COL4A1: variants seen among roughly 807,000 people sequenced by gnomAD.
COL4A1 encodes collagen type IV alpha 1 chain.
A neutral mutation model predicts 216.6 loss-of-function variants in COL4A1; 40 were observed. That is an observed-to-expected ratio of 0.18 (90% confidence interval 0.14 to 0.24). COL4A1 has a LOEUF of 0.24. Ranked by LOEUF, COL4A1 falls within the 10% of genes least tolerant of loss-of-function variation. The pLI is 1.00. For missense variants in COL4A1, 1,628 were observed against 2,196.8 expected, an observed-to-expected ratio of 0.74 and a Z score of 5.18; for synonymous variants, 839 against 810.7, an observed-to-expected ratio of 1.03 and a Z score of -0.59.
At chr13:110,253,348 ATAATTATATGTAT>A (rs1277138967) in intron 1 of COL4A1, among the ~76,000 whole-genome samples, 1 of 64,622 alleles carries the variant, frequency 1.5e-5, no homozygotes, top group Non-Finnish European at 2.7e-5. Flanking sequence ...ACATATACAT[ATAATTATATGTAT>A]TACATATACA....
intron 10 of COL4A1, chr13:110,209,735 T>C: frequency 2.7e-6 from 2 of 751,268 alleles, no homozygotes; most frequent in Non-Finnish European, 2.4e-6. Context: ...CCTTCAACCA[T>C]GACTGCATTA....
intron 24 of COL4A1, chr13:110,190,658 T>A (rs1350411438): frequency 6.6e-6 from 1 of 152,204 alleles, no homozygotes; most frequent in African/African-American, 2.4e-5. Context: ...AAATTCAAAA[T>A]AAGAGAACCA....
chr13:110,227,479 C>CAGAG (rs955415972), intron 2 of COL4A1, among the ~76,000 whole-genome samples: 7 of 150,800 alleles, frequency 4.6e-5, no homozygotes, highest in Admixed American at 2.6e-4. Context: ...GAGACAGAGA[C>CAGAG]AGAGAGACAT....
intron 1 of COL4A1, among the ~76,000 whole-genome samples, chr13:110,306,634 A>G (rs879701281): frequency 6.6e-6 from 1 of 152,076 alleles, no homozygotes; most frequent in Non-Finnish European, 1.5e-5. Flanking sequence ...CATACCCGCG[A>G]CGCGGGTTCA....
intron 1 of COL4A1, among the ~76,000 whole-genome samples, chr13:110,284,866 G>A (rs747473176): frequency 2.3e-4 from 35 of 152,232 alleles, no homozygotes; most frequent in Non-Finnish European, 4.0e-4. Flanking sequence ...CAAGAGAAAT[G>A]AACAGTGACA....
intron 1 of COL4A1, among the ~76,000 whole-genome samples, chr13:110,290,947 C>A (rs932197825): frequency 6.6e-6 from 1 of 152,208 alleles, no homozygotes; most frequent in Non-Finnish European, 1.5e-5. Flanking sequence ...TGGCAGAAGC[C>A]AAGGGCGATT....
intron 20 of COL4A1, among the ~76,000 whole-genome samples, 183 bp downstream of exon 20, chr13:110,200,671 C>T (rs936759363): frequency 6.6e-6 from 1 of 152,156 alleles, no homozygotes; most frequent in African/African-American, 2.4e-5. Flanking sequence ...TGGTCACTTA[C>T]AAAAGACAAG....
chr13:110,284,483 TC>T (rs1451283018), intron 1 of COL4A1, among the ~76,000 whole-genome samples: 4 of 152,192 alleles, frequency 2.6e-5, no homozygotes, highest in African/African-American at 9.6e-5. Flanking sequence ...ATATTAGCCT[TC>T]AGTCCCTTAA....
chr13:110,246,579 A>G (rs1311010411), intron 1 of COL4A1, among the ~76,000 whole-genome samples: 1 of 152,224 alleles, frequency 6.6e-6, no homozygotes, highest in African/African-American at 2.4e-5. Context: ...CTGAGGAAAT[A>G]CACCTTGCAT....
intron 47 of COL4A1, among the ~76,000 whole-genome samples, chr13:110,162,750 T>C (rs1270548078): frequency 6.6e-6 from 1 of 152,202 alleles, no homozygotes; most frequent in Non-Finnish European, 1.5e-5. Context: ...TGAAAATGGA[T>C]ATATGAATAA....
Position 110,245,826 on chromosome 13 carries a change from G to A in COL4A1, c.85-3092C>T, listed in dbSNP as rs1022926641. On this transcript the variant is annotated intron_variant, in intron 1 of 51. Coordinates refer to ENST00000375820, the MANE Select transcript of COL4A1 (RefSeq NM_001845.6). ...CCCCCAGCCGGTGCCGGTGACAGGCGGGTGGGTAGTTTTACCCTGGGGACC... is the reference window on the plus strand; with the variant it reads ...CCCCCAGCCGGTGCCGGTGACAGGCAGGTGGGTAGTTTTACCCTGGGGACC... Among the ~76,000 whole-genome samples, 11 of 152,232 alleles carry A rather than the reference G, an allele frequency of 7.2e-5. No homozygotes were observed. In the East Asian group the frequency reaches 1.2e-3, roughly 16 times the overall value.
At chr13:110,222,348 GA>G (rs1252780217) in intron 2 of COL4A1, among the ~76,000 whole-genome samples, 1 of 152,186 alleles carries the variant, frequency 6.6e-6, no homozygotes, top group East Asian at 1.9e-4. Context: ...CCGGGCGGAG[GA>G]ACCAACGGCC....
intron 2 of COL4A1, among the ~76,000 whole-genome samples, chr13:110,222,632 G>A (rs1880547525): frequency 6.8e-6 from 1 of 146,792 alleles, no homozygotes; most frequent in Non-Finnish European, 1.5e-5. Flanking sequence ...AATTAGCCGG[G>A]TGTGGTGGCG....
At chr13:110,193,331 G>T (rs191590373) in intron 22 of COL4A1, among the ~76,000 whole-genome samples, 140 of 152,336 alleles carry the variant, frequency 9.2e-4, no homozygotes, top group African/African-American at 3.0e-3. Context: ...GCTTAGTCCA[G>T]TTCATGGACT....
Position 110,178,964 on chromosome 13 carries a change from G to A in COL4A1, c.2417C>T (p.Ala806Val), listed in dbSNP as rs1878015657. Residue 806 changes from alanine (A) to valine (V), a missense_variant, in exon 31 of 52, where the codon GCT becomes GTT. Around this residue, in one of 8 missense-constraint regions of COL4A1, gnomAD observed 701 missense variants for 892.5 expected, o/e 0.79. Transcript: ENST00000375820. ...PGVPGIGPPG[A>V]RGPPGGQGPP... ...TCCCTGTCCTCCAGGGGGACCCCTA[G>A]CTCCAGGGGGGCCTATTCCTGGAAC... 1.2e-6 allele frequency: 2 copies of A among 1,612,420 alleles called. No homozygotes were observed. Among genetic ancestry groups the A allele is most frequent in the Admixed American group, 3.3e-5 (2 of 59,880 alleles).
chr13:110,297,380 C>G (rs1010121335), intron 1 of COL4A1, among the ~76,000 whole-genome samples: 3 of 152,108 alleles, frequency 2.0e-5, no homozygotes, highest in African/African-American at 7.3e-5. Flanking sequence ...ACTCATTTAC[C>G]AGTATCGTGT....
intron 2 of COL4A1, among the ~76,000 whole-genome samples, chr13:110,222,734 CT>C (rs1880554997): frequency 2.5e-5 from 3 of 121,244 alleles, no homozygotes; most frequent in South Asian, 2.8e-4. Context: ...GATCGTGCCA[CT>C]GCACTCCAGC....
Position 110,207,351 on chromosome 13 carries a change from G to A in COL4A1, c.780+52C>T, listed in dbSNP as rs372071209. 1,571 of 1,486,518 alleles carry A rather than the reference G, an allele frequency of 1.1e-3. 10 individuals carry two copies. The Middle Eastern group carries it at 0.011, about 10-fold the overall frequency. The allele number at this position is 1,486,518 out of a possible 1,614,324, so 92.1% of individuals were successfully genotyped here. ...TGACCCATTTTCTCTTTATCTTTTG[G>A]AATTTGTCCAAAATTAGAAAATCAG... On this transcript the variant is annotated intron_variant, in intron 13 of 51. Coordinates refer to ENST00000375820, the MANE Select transcript of COL4A1 (RefSeq NM_001845.6). This position sits in a 1 kb window ranked among gnomAD's most constrained non-coding sequence, Gnocchi z 4.4.
At chr13:110,247,835 G>GTGTGT (rs765744265) in intron 1 of COL4A1, among the ~76,000 whole-genome samples, 225 of 96,452 alleles carry the variant, frequency 2.3e-3, no homozygotes, top group Middle Eastern at 6.1e-3. Flanking sequence ...GTGTGTGTGT[G>GTGTGT]GCAGAGAGAG....
Sources: gnomAD v4.1 joint callset for allele counts (sites outside exome capture counted in the v4.1 genomes callset) on GRCh38, gnomAD v4.1.1 for gene constraint, gnomAD v4.1.1 regional missense constraint, Gnocchi (gnomAD v3.1) non-coding constraint, MANE v1.5 for transcripts, NCBI Gene and HGNC (gene_info 2026-07-23, HGNC 2026-07-21) for gene names.